ZNF804A: variants seen among roughly 807,000 people sequenced by gnomAD.
ZNF804A encodes zinc finger protein 804A.
In ZNF804A, 2 loss-of-function variants were observed where a neutral mutation model predicts 16.5. The observed-to-expected ratio is 0.12, with a 90% confidence interval of 0.05 to 0.38. ZNF804A has a LOEUF of 0.38. ZNF804A is among the 10% of genes least tolerant of loss of function. The pLI is 0.99. For missense variants in ZNF804A, 1,473 were observed against 1,390.7 expected, an observed-to-expected ratio of 1.06 and a Z score of -0.94; for synonymous variants, 534 against 489.6, an observed-to-expected ratio of 1.09 and a Z score of -1.20.
At chr2:184,736,071 C>A (rs1189045528) in intron 1 of ZNF804A, among the ~76,000 whole-genome samples, 1 of 152,120 alleles carries the variant, frequency 6.6e-6, no homozygotes, top group African/African-American at 2.4e-5. Context: ...TAAGACATTT[C>A]ATAGTCTTTC....
intron 2 of ZNF804A, among the ~76,000 whole-genome samples, chr2:184,869,086 G>A (rs754586508): frequency 5.9e-5 from 9 of 151,890 alleles, no homozygotes; most frequent in Admixed American, 4.6e-4. Context: ...TTGGATTTTC[G>A]GATGTGGGAT....
chr2:184,710,255 A>G (rs1413446460), intron 1 of ZNF804A, among the ~76,000 whole-genome samples: 1 of 151,688 alleles, frequency 6.6e-6, no homozygotes, highest in African/African-American at 2.4e-5. Context: ...CATGATAATA[A>G]ACATATCCAT....
intron 1 of ZNF804A, among the ~76,000 whole-genome samples, chr2:184,779,910 C>A (rs1194743304): frequency 6.6e-6 from 1 of 151,610 alleles, no homozygotes; most frequent in Non-Finnish European, 1.5e-5. Flanking sequence ...AAATAGGAAA[C>A]CAGTATATTC....
intron 1 of ZNF804A, among the ~76,000 whole-genome samples, chr2:184,738,140 A>T (rs891908703): frequency 6.6e-6 from 1 of 151,962 alleles, no homozygotes; most frequent in Non-Finnish European, 1.5e-5. Flanking sequence ...AAAAAAAAAA[A>T]AGAAAATATC....
intron 1 of ZNF804A, among the ~76,000 whole-genome samples, chr2:184,720,508 C>A (rs964762322): frequency 2.6e-5 from 4 of 152,002 alleles, no homozygotes; most frequent in African/African-American, 9.7e-5. Context: ...CTCACTTATA[C>A]TAACTCCATA....
intron 1 of ZNF804A, among the ~76,000 whole-genome samples, chr2:184,773,971 T>C (rs774587796): frequency 1.3e-5 from 2 of 151,942 alleles, no homozygotes; most frequent in African/African-American, 4.8e-5. Context: ...TCACTTCATC[T>C]GCACATTGGG....
chr2:184,715,893 T>C (rs1693204730), intron 1 of ZNF804A, among the ~76,000 whole-genome samples: 6 of 152,186 alleles, frequency 3.9e-5, no homozygotes, highest in Admixed American at 3.9e-4. Context: ...CACGCGGGTT[T>C]TGGCTCATAA....
At chr2:184,780,176 G>A (rs1423851772) in intron 1 of ZNF804A, among the ~76,000 whole-genome samples, 1 of 151,760 alleles carries the variant, frequency 6.6e-6, no homozygotes, top group Non-Finnish European at 1.5e-5. Flanking sequence ...CCACACAGGT[G>A]CCAGGTTTTA....
chr2:184,631,192 A>T (rs952389546), intron 1 of ZNF804A, among the ~76,000 whole-genome samples: 2 of 152,102 alleles, frequency 1.3e-5, no homozygotes, highest in Non-Finnish European at 2.9e-5. Context: ...CTTTGAATTA[A>T]GTGTGTCTCC....
At chr2:184,671,688 A>G (rs970466203) in intron 1 of ZNF804A, among the ~76,000 whole-genome samples, 2 of 152,204 alleles carry the variant, frequency 1.3e-5, no homozygotes, top group African/African-American at 4.8e-5. Flanking sequence ...TTTGATATCC[A>G]TATGCTGCCA....
At chr2:184,612,062 T>G (rs1410243331) in intron 1 of ZNF804A, among the ~76,000 whole-genome samples, 1 of 152,196 alleles carries the variant, frequency 6.6e-6, no homozygotes, top group African/African-American at 2.4e-5. Flanking sequence ...CTAATTTGCT[T>G]TAATGTCATA....
intron 3 of ZNF804A, among the ~76,000 whole-genome samples, chr2:184,933,940 C>T (rs1214475356): frequency 2.0e-5 from 3 of 151,628 alleles, no homozygotes; most frequent in Admixed American, 1.3e-4. Flanking sequence ...AGTAAAAAGC[C>T]AAAATTACTG....
At chr2:184,842,461 T>C (rs1177969944) in intron 1 of ZNF804A, among the ~76,000 whole-genome samples, 1 of 152,108 alleles carries the variant, frequency 6.6e-6, no homozygotes, top group African/African-American at 2.4e-5. Flanking sequence ...TTGAGAACTA[T>C]TATTTTACCT....
intron 1 of ZNF804A, among the ~76,000 whole-genome samples, chr2:184,698,049 G>T (rs371901787): frequency 2.0e-5 from 3 of 152,038 alleles, no homozygotes; most frequent in Middle Eastern, 3.4e-3. Context: ...GGAGGTAAAA[G>T]GTTCAGATTT....
chr2:184,718,668 A>G, intron 1 of ZNF804A, among the ~76,000 whole-genome samples: 1 of 152,088 alleles, frequency 6.6e-6, no homozygotes, highest in South Asian at 2.1e-4. Flanking sequence ...AAGCTCCAAA[A>G]TGATCTCCTT....
At chr2:184,832,386 G>T (rs1189973744) in intron 1 of ZNF804A, among the ~76,000 whole-genome samples, 2 of 151,944 alleles carry the variant, frequency 1.3e-5, no homozygotes, top group Non-Finnish European at 2.9e-5. Flanking sequence ...CATTTTAAAT[G>T]CTTATTCTTC....
intron 1 of ZNF804A, among the ~76,000 whole-genome samples, chr2:184,865,809 G>C (rs949540670): frequency 6.6e-6 from 1 of 151,960 alleles, no homozygotes; most frequent in Non-Finnish European, 1.5e-5. Flanking sequence ...CCAATAAATA[G>C]AGATTATTTT....
intron 2 of ZNF804A, among the ~76,000 whole-genome samples, chr2:184,910,025 G>C (rs950563582): frequency 6.6e-5 from 10 of 151,742 alleles, no homozygotes; most frequent in African/African-American, 2.4e-4. Flanking sequence ...AGATTCAGGG[G>C]GTAGATGTAT....
At chr2:184,900,468 C>A (rs1685162424) in intron 2 of ZNF804A, among the ~76,000 whole-genome samples, 1 of 152,096 alleles carries the variant, frequency 6.6e-6, no homozygotes, top group East Asian at 1.9e-4. Flanking sequence ...ACACTACATA[C>A]CTGTTATACA....
Sources: gnomAD v4.1 joint callset for allele counts (sites outside exome capture counted in the v4.1 genomes callset) on GRCh38, gnomAD v4.1.1 for gene constraint, MANE v1.5 for transcripts, NCBI Gene and HGNC (gene_info 2026-07-23, HGNC 2026-07-21) for gene names.